Variants in NPAS3 observed in about 807,000 individuals in gnomAD.
NPAS3 encodes neuronal PAS domain-containing protein 3.
In NPAS3, 14 loss-of-function variants were observed where a neutral mutation model predicts 73.1. The ratio of observed to expected loss-of-function variants is 0.19; its 90% CI spans 0.13 to 0.30. The LOEUF (loss-of-function observed/expected upper bound fraction) is 0.30. Ranked by LOEUF, NPAS3 falls within the 10% of genes least tolerant of loss-of-function variation. NPAS3 has a pLI of 1.00. For synonymous variants in NPAS3, 620 were observed against 541.5 expected (o/e 1.14, Z -2.01); for missense variants, 1,096 against 1,250.0 (o/e 0.88, Z 1.86).
At chr14:32,946,498 G>A (rs941713855) in intron 1 of NPAS3, among the ~76,000 whole-genome samples, 1 of 151,992 alleles carries the variant, frequency 6.6e-6, no homozygotes, top group Admixed American at 6.6e-5. Flanking sequence ...CTGTACTTTA[G>A]GAAACTTTGT....
chr14:32,939,841 G>A (rs2035905808), intron 1 of NPAS3, among the ~76,000 whole-genome samples: 1 of 151,468 alleles, frequency 6.6e-6, no homozygotes, highest in Admixed American at 6.6e-5. Flanking sequence ...GCGAGGAGCA[G>A]GAGGAGGAGG....
At chr14:33,007,552 A>T (rs1160565122) in intron 1 of NPAS3, among the ~76,000 whole-genome samples, 1 of 152,232 alleles carries the variant, frequency 6.6e-6, no homozygotes, top group Non-Finnish European at 1.5e-5. Flanking sequence ...CAGTTGTGGA[A>T]TTCAAAAGAG....
intron 7 of NPAS3, among the ~76,000 whole-genome samples, chr14:33,750,589 C>A (rs986318785): frequency 1.4e-4 from 22 of 152,010 alleles, no homozygotes; most frequent in African/African-American, 4.6e-4. Context: ...CCTGAGAAAA[C>A]AAAAGAGAAG....
At chr14:33,406,672 T>G (rs140843322) in intron 4 of NPAS3, among the ~76,000 whole-genome samples, 2 of 152,248 alleles carry the variant, frequency 1.3e-5, no homozygotes, top group African/African-American at 2.4e-5. Flanking sequence ...TTTTAAAATA[T>G]GAAATCAAAC....
intron 5 of NPAS3, among the ~76,000 whole-genome samples, chr14:33,589,908 C>T (rs185689967): frequency 1.3e-5 from 2 of 152,250 alleles, no homozygotes; most frequent in East Asian, 1.9e-4. Context: ...AAGCAAGGAG[C>T]ACTTTTCATT....
chr14:33,320,169 G>A (rs1305277171), intron 3 of NPAS3, among the ~76,000 whole-genome samples: 2 of 152,120 alleles, frequency 1.3e-5, no homozygotes, highest in African/African-American at 4.8e-5. Flanking sequence ...GGTGAAAGAA[G>A]AACACTATGT....
At chr14:32,988,981 A>G (rs1238791870) in intron 1 of NPAS3, among the ~76,000 whole-genome samples, 1 of 152,218 alleles carries the variant, frequency 6.6e-6, no homozygotes, top group African/African-American at 2.4e-5. Context: ...GATGAGCTAG[A>G]CATGGTATCT....
chr14:32,959,976 ATT>A (rs61262665), intron 1 of NPAS3, among the ~76,000 whole-genome samples: 46,562 of 131,236 alleles, frequency 0.35, 8,084 homozygotes, highest in African/African-American at 0.44. Context: ...GTGAGTTTCA[ATT>A]TTTTTTTTTT....
intron 3 of NPAS3, among the ~76,000 whole-genome samples, chr14:33,331,908 G>A (rs188440607): frequency 4.6e-5 from 7 of 152,218 alleles, no homozygotes; most frequent in East Asian, 3.9e-4. Flanking sequence ...TGTTTATATC[G>A]GATTCCCTGA....
intron 2 of NPAS3, among the ~76,000 whole-genome samples, chr14:33,077,492 G>A (rs2041698892): frequency 6.6e-6 from 1 of 152,168 alleles, no homozygotes; most frequent in South Asian, 2.1e-4. Context: ...AGAGCAGTGA[G>A]CTCATTGGAT....
intron 3 of NPAS3, among the ~76,000 whole-genome samples, chr14:33,247,243 A>T (rs969762995): frequency 1.3e-5 from 2 of 152,042 alleles, no homozygotes; most frequent in African/African-American, 4.8e-5. Flanking sequence ...TTTAATTTTA[A>T]TTTTTTTAGC....
chr14:33,768,345 T>C (rs2062532059), intron 7 of NPAS3, among the ~76,000 whole-genome samples: 1 of 152,220 alleles, frequency 6.6e-6, no homozygotes, highest in Admixed American at 6.5e-5. Context: ...CAGAAAGCTC[T>C]TCTGAAGAAT....
chr14:33,563,870 G>A (rs1595163271), intron 5 of NPAS3, among the ~76,000 whole-genome samples: 2 of 152,156 alleles, frequency 1.3e-5, no homozygotes, highest in African/African-American at 4.8e-5. Context: ...TGAAAATGTA[G>A]CAATGATATA....
intron 4 of NPAS3, among the ~76,000 whole-genome samples, chr14:33,391,587 G>A (rs2047007340): frequency 1.3e-5 from 2 of 152,190 alleles, no homozygotes; most frequent in African/African-American, 4.8e-5. Flanking sequence ...TGATTAAGAG[G>A]AAGAGAGAAA....
chr14:33,427,732 C>T (rs1167225308), intron 4 of NPAS3, among the ~76,000 whole-genome samples: 1 of 152,054 alleles, frequency 6.6e-6, no homozygotes, highest in Non-Finnish European at 1.5e-5. Flanking sequence ...TTATTCATAG[C>T]TGTATTCCTA....
At chr14:33,708,902 G>A (rs1317278398) in intron 6 of NPAS3, among the ~76,000 whole-genome samples, 1 of 152,182 alleles carries the variant, frequency 6.6e-6, no homozygotes, top group East Asian at 1.9e-4. Flanking sequence ...TGGTCATGCA[G>A]AGGCTAGCTT....
intron 5 of NPAS3, among the ~76,000 whole-genome samples, chr14:33,668,213 A>T (rs2059509938): frequency 6.6e-6 from 1 of 152,194 alleles, no homozygotes; most frequent in South Asian, 2.1e-4. Flanking sequence ...TTCGCGCAAC[A>T]GTATCACTCT....
rs77020232 is a variant in NPAS3 at position 33,796,000 on chromosome 14, C to T, written c.1302-1457C>T. Among the ~76,000 whole-genome samples, 313 of 152,182 alleles carry T rather than the reference C, an allele frequency of 2.1e-3. 1 individual carries two copies. The highest frequency in any genetic ancestry group is 7.4e-3 in the African/African-American group (308 of 41,514). On this transcript the variant is annotated intron_variant, in intron 10 of 11. Coordinates refer to ENST00000356141, the Ensembl canonical transcript of NPAS3. ...AATTGTAGGGCAAGTGATCTGTGAG[C>T]CCCCAAAGAAGACTAAGGTAGATGG...
intron 3 of NPAS3, among the ~76,000 whole-genome samples, chr14:33,256,969 A>G (rs1013253617): frequency 1.3e-5 from 2 of 152,164 alleles, no homozygotes; most frequent in Non-Finnish European, 2.9e-5. Context: ...CTGGAAGCAG[A>G]CTTGAGTTCA....
Sources: gnomAD v4.1 joint callset for allele counts (sites outside exome capture counted in the v4.1 genomes callset) on GRCh38, gnomAD v4.1.1 for gene constraint, MANE v1.5 for transcripts, NCBI Gene and HGNC (gene_info 2026-07-23, HGNC 2026-07-21) for gene names.